PPEF2: variants seen among roughly 807,000 people sequenced by gnomAD.
PPEF2 encodes serine/threonine-protein phosphatase with EF-hands 2.
In PPEF2, 84 loss-of-function variants were observed where a neutral mutation model predicts 84.7. The ratio of observed to expected loss-of-function variants is 0.99; its 90% confidence interval spans 0.83 to 1.19. PPEF2 has a LOEUF of 1.19. PPEF2 is among the 50% of genes most tolerant of loss of function. The pLI is 0.00. For synonymous variants in PPEF2, 346 were observed against 345.2 expected (o/e 1.00, Z -0.03); for missense variants, 924 against 937.5 (o/e 0.99, Z 0.19).
At chr4:75,867,921 G>A (rs1393569162) in intron 13 of PPEF2, among the ~76,000 whole-genome samples, 1 of 152,112 alleles carries the variant, frequency 6.6e-6, no homozygotes, top group Non-Finnish European at 1.5e-5. Flanking sequence ...CACTAGTTTA[G>A]TTTTTTCATT....
At chr4:75,890,548 T>C (rs557758259) in intron 4 of PPEF2, among the ~76,000 whole-genome samples, 107 of 151,278 alleles carry the variant, frequency 7.1e-4, no homozygotes, top group African/African-American at 2.4e-3. Flanking sequence ...TTAATCTGGC[T>C]TCAGCTTCAG....
At chr4:75,878,259 C>T (rs1724478092) in intron 10 of PPEF2, among the ~76,000 whole-genome samples, 1 of 152,144 alleles carries the variant, frequency 6.6e-6, no homozygotes, top group African/African-American at 2.4e-5. Flanking sequence ...GGGCTGAGGA[C>T]ATAAGTGGCA....
At chr4:75,896,868 C>CT (rs774056042) in intron 1 of PPEF2, among the ~76,000 whole-genome samples, 304 of 151,466 alleles carry the variant, frequency 2.0e-3, no homozygotes, top group East Asian at 5.8e-3. Context: ...CTCCATAGGC[C>CT]ACACCTTTCT....
At position 75,876,571 on chromosome 4, in the gene PPEF2, A is replaced by G. The variant is rs1724421987; in HGVS notation, c.1036T>C (p.Trp346Arg). Residue 346 changes from tryptophan to arginine, a missense_variant, in exon 11 of 17, where the codon TGG becomes CGG. Transcript: ENST00000286719. ...AGAGAGCGGCTTTCGGGGAGAAACC[A>G]TGGGATGGGTCCCTGTGCAGAGCTC... Reference protein sequence around the residue: ...QKSSAQGPIPWFLPESRSLPS... With the variant: ...QKSSAQGPIPRFLPESRSLPS... 4 of 1,612,954 alleles carry G rather than the reference A, an allele frequency of 2.5e-6. No individual in the cohort carries two copies. Among genetic ancestry groups the G allele is most frequent in the Non-Finnish European group, 3.4e-6 (4 of 1,179,076 alleles).
In PPEF2 at chr4:75,883,196, G is replaced by A. The variant is rs1724624029; in HGVS notation, c.753C>T (p.Gly251=). 1 of 1,613,144 alleles carries A rather than the reference G, an allele frequency of 6.2e-7. No individual in the cohort carries two copies. Among genetic ancestry groups the A allele is most frequent in the African/African-American group, 1.3e-5 (1 of 75,022 alleles). ...ATTTATTCATCACTTCCTTGGTGAA[G>A]CCATATCTAGATTTAGAAGCACAAA... ...HEDHMVNLRY[G]FTKEVMNKYK... is the part of the protein sequence containing the mutation. Residue 251 remains glycine, a synonymous_variant, in exon 9 of 17, where the codon GGC becomes GGT. Transcript: ENST00000286719.
intron 10 of PPEF2, among the ~76,000 whole-genome samples, chr4:75,878,289 A>G (rs1724478995): frequency 6.6e-6 from 1 of 152,240 alleles, no homozygotes; most frequent in African/African-American, 2.4e-5. Flanking sequence ...ATCAGGGGTC[A>G]GGCCACAGAG....
chr4:75,875,542 C>T (rs923058301), intron 11 of PPEF2, among the ~76,000 whole-genome samples: 10 of 152,066 alleles, frequency 6.6e-5, no homozygotes, highest in Admixed American at 5.9e-4. Context: ...CTGGGAAGTA[C>T]AGGCTGCAGT....
intron 13 of PPEF2, among the ~76,000 whole-genome samples, chr4:75,869,971 T>C (rs1428253555): frequency 6.6e-6 from 1 of 152,254 alleles, no homozygotes; most frequent in Non-Finnish European, 1.5e-5. Flanking sequence ...TTCTCCATTA[T>C]GCTTCATACA....
At chr4:75,879,894 A>G (rs1724521499) in intron 10 of PPEF2, among the ~76,000 whole-genome samples, 1 of 151,686 alleles carries the variant, frequency 6.6e-6, no homozygotes, top group Non-Finnish European at 1.5e-5. Context: ...CAGTGGTGCG[A>G]TCTCGGCTTG....
chr4:75,884,190 G>A (rs1282324840), intron 8 of PPEF2, among the ~76,000 whole-genome samples: 3 of 151,684 alleles, frequency 2.0e-5, no homozygotes, highest in African/African-American at 7.3e-5. Flanking sequence ...AGCACTTTGG[G>A]AGGCCAAGGG....
At chr4:75,861,503 T>TA (rs139329932) in intron 16 of PPEF2, among the ~76,000 whole-genome samples, 10 of 144,960 alleles carry the variant, frequency 6.9e-5, no homozygotes, top group Non-Finnish European at 1.1e-4. Flanking sequence ...TAACACTATA[T>TA]AAAAAAAACT....
At chr4:75,875,034 T>C (rs1724374658) in intron 11 of PPEF2, among the ~76,000 whole-genome samples, 1 of 151,908 alleles carries the variant, frequency 6.6e-6, no homozygotes, top group Non-Finnish European at 1.5e-5. Flanking sequence ...CCCGAATAGC[T>C]GGGACTACAG....
intron 16 of PPEF2, among the ~76,000 whole-genome samples, chr4:75,861,888 C>T (rs1013355111): frequency 1.3e-4 from 19 of 149,166 alleles, no homozygotes; most frequent in African/African-American, 4.2e-4. Flanking sequence ...GGATTACAGG[C>T]GTGAGCCACC....
At position 75,891,986 on chromosome 4, in the gene PPEF2, A is replaced by G. The variant is rs374522987; in HGVS notation, c.56-8T>C. ...GGGCTGCTGCCTTGAAGGCTATGAC[A>G]CCGATGGAGAAGCAAGCCTGTGAGC... On this transcript the variant is annotated splice_polypyrimidine_tract_variant and splice_region_variant and intron_variant, in intron 2 of 16. Transcript: ENST00000286719. 9 of 1,610,052 alleles carry G rather than the reference A, an allele frequency of 5.6e-6. No homozygotes were observed. In the African/African-American group the frequency reaches 1.2e-4, roughly 22 times the overall value.
At chr4:75,878,183 GAC>G (rs1169397465) in intron 10 of PPEF2, among the ~76,000 whole-genome samples, 1 of 152,208 alleles carries the variant, frequency 6.6e-6, no homozygotes, top group Non-Finnish European at 1.5e-5. Context: ...TAATCAGAAA[GAC>G]ACTCCTTGCC....
chr4:75,888,511 T>C (rs1430760754), intron 5 of PPEF2, among the ~76,000 whole-genome samples, 183 bp from the exon 6 acceptor site: 13 of 152,242 alleles, frequency 8.5e-5, no homozygotes, highest in Non-Finnish European at 1.8e-4. Context: ...TTGTTTCTGC[T>C]TCTCATCATT....
intron 9 of PPEF2, 31 bp from the exon 10 acceptor site, chr4:75,883,106 C>G: frequency 1.9e-6 from 3 of 1,613,674 alleles, no homozygotes; most frequent in Non-Finnish European, 2.5e-6. Flanking sequence ...AAAATGTTAT[C>G]AAATAATTCA....
At chr4:75,897,406 C>G (rs957688522) in intron 1 of PPEF2, among the ~76,000 whole-genome samples, 1 of 152,190 alleles carries the variant, frequency 6.6e-6, no homozygotes, top group Non-Finnish European at 1.5e-5. Context: ...ATCTCTGTCT[C>G]CATCCCAGAT....
intron 4 of PPEF2, 152 bp from the exon 5 acceptor site, chr4:75,890,284 G>C: frequency 2.4e-6 from 2 of 818,086 alleles, no homozygotes; most frequent in Non-Finnish European, 3.8e-6. Flanking sequence ...CCAGGAGTTT[G>C]AGAACAGCCT....
Sources: allele counts gnomAD v4.1 joint callset (sites outside exome capture counted in the v4.1 genomes callset), GRCh38; gene constraint gnomAD v4.1.1; transcripts MANE v1.5; gene names NCBI Gene and HGNC (gene_info 2026-07-23, HGNC 2026-07-21).